Variants in NXPH1 observed in about 807,000 individuals in gnomAD.
NXPH1 encodes the protein neurexophilin-1.
NXPH1 carries 5 observed loss-of-function variants against 23.7 expected under a neutral mutation model. The ratio of observed to expected loss-of-function variants is 0.21; its 90% CI spans 0.11 to 0.44. NXPH1 has a LOEUF of 0.44. Among genes scored for constraint, NXPH1 ranks in the 20% least tolerant of loss-of-function variants. NXPH1 has a pLI of 0.99. For missense variants in NXPH1, 324 were observed against 321.6 expected, an observed-to-expected ratio of 1.01 and a Z score of -0.06; for synonymous variants, 144 against 122.2, an observed-to-expected ratio of 1.18 and a Z score of -1.18.
At chr7:8,495,650 T>C (rs1817321797) in intron 2 of NXPH1, among the ~76,000 whole-genome samples, 2 of 151,994 alleles carry the variant, frequency 1.3e-5, no homozygotes, top group Admixed American at 1.3e-4. Flanking sequence ...GAGAGGCATA[T>C]TATTTTGTGG....
At chr7:8,570,527 T>A (rs2128622025) in intron 2 of NXPH1, among the ~76,000 whole-genome samples, 1 of 152,136 alleles carries the variant, frequency 6.6e-6, no homozygotes, top group South Asian at 2.1e-4. Flanking sequence ...GAAAGTGATG[T>A]GCGAAGGCAC....
intron 2 of NXPH1, among the ~76,000 whole-genome samples, chr7:8,668,035 G>A (rs10261993): frequency 0.034 from 5,044 of 147,500 alleles, 272 homozygotes; most frequent in African/African-American, 0.11. Flanking sequence ...TTCCAGCTCC[G>A]GGATTTCTGA....
chr7:8,705,860 T>A (rs552443509), intron 2 of NXPH1, among the ~76,000 whole-genome samples: 1 of 152,132 alleles, frequency 6.6e-6, no homozygotes, highest in African/African-American at 2.4e-5. Context: ...GTGGCACAAA[T>A]CTTGGTTAGC....
At position 8,621,613 on chromosome 7, in the gene NXPH1, G is replaced by A. The variant is rs1323352091; in HGVS notation, c.55-129395G>A. Among the ~76,000 whole-genome samples the A allele has an allele frequency of 4.6e-5, 7 of 151,588 alleles. No homozygotes were observed. The East Asian group carries it at 7.8e-4, about 17-fold the overall frequency. On this transcript the variant is annotated intron_variant, in intron 2 of 2. Coordinates refer to ENST00000405863, the MANE Select transcript of NXPH1 (RefSeq NM_152745.3). ...AGCGATTCTCTTGCCTCAGCCTCCC[G>A]AGTAGCTGGGATTACAGGCGTCTGG...
At chr7:8,680,991 A>G (rs895043504) in intron 2 of NXPH1, among the ~76,000 whole-genome samples, 3 of 152,238 alleles carry the variant, frequency 2.0e-5, no homozygotes, top group Non-Finnish European at 2.9e-5. Context: ...TTACAGATGA[A>G]CAAACTGAGG....
intron 2 of NXPH1, among the ~76,000 whole-genome samples, chr7:8,549,596 C>A (rs1198036279): frequency 6.6e-6 from 1 of 151,436 alleles, no homozygotes; most frequent in African/African-American, 2.4e-5. Context: ...ACAGACCCAG[C>A]CCCCAATATT....
chr7:8,665,754 T>C (rs1217710936), intron 2 of NXPH1, among the ~76,000 whole-genome samples: 7 of 147,618 alleles, frequency 4.7e-5, no homozygotes, highest in Non-Finnish European at 7.5e-5. Context: ...TTTTAAAGTA[T>C]TTTATTTTTT....
intron 2 of NXPH1, among the ~76,000 whole-genome samples, chr7:8,736,092 T>C (rs1446212033): frequency 6.6e-6 from 1 of 152,202 alleles, no homozygotes; most frequent in East Asian, 1.9e-4. Context: ...CCTGGATTCA[T>C]TGATTTTTTG....
chr7:8,616,479 T>C (rs1248490809), intron 2 of NXPH1, among the ~76,000 whole-genome samples: 1 of 152,086 alleles, frequency 6.6e-6, no homozygotes, highest in Non-Finnish European at 1.5e-5. Context: ...AAAAACATCA[T>C]GGGATCAGGA....
chr7:8,685,205 G>A (rs1017822684), intron 2 of NXPH1, among the ~76,000 whole-genome samples: 1 of 149,930 alleles, frequency 6.7e-6, no homozygotes, highest in Non-Finnish European at 1.5e-5. Flanking sequence ...CCTTTATTAC[G>A]TGCATTTGAT....
Position 8,735,746 on chromosome 7 carries a change from A to C in NXPH1, c.55-15262A>C, listed in dbSNP as rs1001794848. On this transcript the variant is annotated intron_variant, in intron 2 of 2. Transcript: ENST00000405863. ...TCTCTTTGTACCTCGGTAGAATGCT[A>C]CTGTGAATTCATCTGGTTCTGGGCT... Among the ~76,000 whole-genome samples the C allele has an allele frequency of 3.3e-5, 5 of 152,210 alleles. No individual in the cohort carries two copies. In the East Asian group the frequency reaches 7.7e-4, roughly 24 times the overall value.
At chr7:8,483,175 G>C (rs2128610089) in intron 2 of NXPH1, among the ~76,000 whole-genome samples, 1 of 152,204 alleles carries the variant, frequency 6.6e-6, no homozygotes, top group South Asian at 2.1e-4. Flanking sequence ...CTGTGGGAAT[G>C]TACATTAGAT....
chr7:8,669,788 G>A (rs1820838067), intron 2 of NXPH1, among the ~76,000 whole-genome samples: 1 of 152,134 alleles, frequency 6.6e-6, no homozygotes, highest in Non-Finnish European at 1.5e-5. Flanking sequence ...ATTGATGTGG[G>A]TAATGTACAA....
chr7:8,632,895 C>G (rs779453126), intron 2 of NXPH1, among the ~76,000 whole-genome samples: 1 of 152,168 alleles, frequency 6.6e-6, no homozygotes, highest in Non-Finnish European at 1.5e-5. Flanking sequence ...GAAAAGGAAA[C>G]ATGACAAATA....
chr7:8,563,721 A>G (rs534027056), intron 2 of NXPH1, among the ~76,000 whole-genome samples: 173 of 151,790 alleles, frequency 1.1e-3, no homozygotes, highest in Admixed American at 2.6e-3. Context: ...ATTGAGACAA[A>G]TATCCCCAGC....
intron 2 of NXPH1, among the ~76,000 whole-genome samples, chr7:8,633,766 T>A (rs866688464): frequency 3.9e-5 from 6 of 152,202 alleles, no homozygotes; most frequent in Admixed American, 3.9e-4. Flanking sequence ...CAACAATGCA[T>A]GTTTGACAGT....
At chr7:8,658,927 CTT>C (rs1243437297) in intron 2 of NXPH1, among the ~76,000 whole-genome samples, 1 of 151,564 alleles carries the variant, frequency 6.6e-6, no homozygotes, top group African/African-American at 2.4e-5. Flanking sequence ...TATCTGATAA[CTT>C]AATATTTAAA....
chr7:8,441,680 G>A (rs934198197), intron 2 of NXPH1, among the ~76,000 whole-genome samples: 102 of 152,282 alleles, frequency 6.7e-4, no homozygotes, highest in African/African-American at 2.4e-3. Context: ...CAATTACTAT[G>A]CAAGCTTTCC....
chr7:8,564,254 A>G (rs988053815), intron 2 of NXPH1, among the ~76,000 whole-genome samples: 1 of 151,816 alleles, frequency 6.6e-6, no homozygotes, highest in Admixed American at 6.6e-5. Flanking sequence ...GATTCAAGCC[A>G]ATTGCAAAAT....
Sources: gnomAD v4.1 joint callset for allele counts (sites outside exome capture counted in the v4.1 genomes callset) on GRCh38, gnomAD v4.1.1 for gene constraint, MANE v1.5 for transcripts, NCBI Gene and HGNC (gene_info 2026-07-23, HGNC 2026-07-21) for gene names.